The following GRID2 variants were observed in gnomAD, a reference collection of about 807,000 sequenced individuals.
GRID2 encodes glutamate ionotropic receptor delta type subunit 2.
GRID2 carries 33 observed loss-of-function variants against 114.8 expected under a neutral mutation model. That is an observed-to-expected ratio of 0.29 (90% CI 0.22 to 0.38). The LOEUF (loss-of-function observed/expected upper bound fraction) is 0.38. Among genes scored for constraint, GRID2 ranks in the 10% least tolerant of loss-of-function variants. GRID2 has a pLI of 1.00. For missense variants in GRID2, 1,184 were observed against 1,257.7 expected (o/e 0.94, Z 0.89); for synonymous variants, 505 against 449.9 (o/e 1.12, Z -1.55).
chr4:92,927,067 T>C (rs1459682305), intron 2 of GRID2, among the ~76,000 whole-genome samples: 1 of 151,898 alleles, frequency 6.6e-6, no homozygotes, highest in Admixed American at 6.6e-5. Flanking sequence ...GTATTTAAAA[T>C]AATAAAATGA....
chr4:92,421,835 G>A (rs1193938142), intron 1 of GRID2, among the ~76,000 whole-genome samples: 1 of 152,100 alleles, frequency 6.6e-6, no homozygotes, highest in Non-Finnish European at 1.5e-5. Flanking sequence ...ATAGTTAATA[G>A]CTTAACTATT....
chr4:93,440,138 C>G (rs755173523), intron 10 of GRID2, among the ~76,000 whole-genome samples: 2 of 152,008 alleles, frequency 1.3e-5, no homozygotes, highest in Non-Finnish European at 2.9e-5. Flanking sequence ...CAGCTGGGTG[C>G]CTGAAAGCCA....
At chr4:93,118,280 C>T (rs960679721) in intron 4 of GRID2, among the ~76,000 whole-genome samples, 7 of 152,106 alleles carry the variant, frequency 4.6e-5, no homozygotes, top group African/African-American at 1.4e-4. Flanking sequence ...GGCTCATATA[C>T]GTATTCAATT....
intron 1 of GRID2, among the ~76,000 whole-genome samples, chr4:92,308,296 C>T (rs1725517821): frequency 6.6e-6 from 1 of 152,150 alleles, no homozygotes; most frequent in Admixed American, 6.5e-5. Flanking sequence ...GGTTCCTGTG[C>T]TCACAGAACT....
intron 8 of GRID2, among the ~76,000 whole-genome samples, chr4:93,291,942 T>C (rs1028944890): frequency 1.3e-5 from 2 of 152,198 alleles, no homozygotes; most frequent in African/African-American, 4.8e-5. Context: ...TCTACTTTAT[T>C]GGCATTTTTC....
intron 1 of GRID2, among the ~76,000 whole-genome samples, chr4:92,448,140 T>C (rs1579382218): frequency 6.9e-6 from 1 of 144,494 alleles, no homozygotes; most frequent in Non-Finnish European, 1.5e-5. Flanking sequence ...TTTATGTATG[T>C]ATGTATGTAT....
intron 13 of GRID2, among the ~76,000 whole-genome samples, chr4:93,545,683 T>C (rs1221593366): frequency 6.6e-6 from 1 of 152,208 alleles, no homozygotes; most frequent in African/African-American, 2.4e-5. Flanking sequence ...TAAAATCAGC[T>C]ATGGTGGTCT....
At chr4:92,802,822 C>G (rs942266583) in intron 2 of GRID2, among the ~76,000 whole-genome samples, 2 of 151,846 alleles carry the variant, frequency 1.3e-5, no homozygotes, top group Admixed American at 6.6e-5. Context: ...TGTGTTATTA[C>G]CAGGCCTCTT....
intron 2 of GRID2, among the ~76,000 whole-genome samples, chr4:92,916,513 C>T (rs534256589): frequency 1.3e-5 from 2 of 152,018 alleles, no homozygotes; most frequent in African/African-American, 4.8e-5. Context: ...CTCCCCCCAG[C>T]CCCCACCCCA....
chr4:93,673,544 A>G (rs116951585), intron 14 of GRID2, among the ~76,000 whole-genome samples: 1 of 152,120 alleles, frequency 6.6e-6, no homozygotes, highest in Non-Finnish European at 1.5e-5. Context: ...AACATCTTAC[A>G]ATCACTTTTT....
chr4:93,448,838 T>G (rs1580115367), intron 10 of GRID2, among the ~76,000 whole-genome samples: 1 of 11,812 alleles, frequency 8.5e-5, no homozygotes, highest in African/African-American at 4.2e-4. Flanking sequence ...TCCCTTCCCT[T>G]CCCTTCCCTT....
intron 2 of GRID2, among the ~76,000 whole-genome samples, chr4:92,974,329 A>G (rs1250375035): frequency 1.3e-5 from 2 of 152,140 alleles, no homozygotes; most frequent in East Asian, 3.9e-4. Context: ...CAGCAATCCC[A>G]TTACTAGGCA....
At chr4:93,486,833 T>C (rs1726458529) in intron 11 of GRID2, among the ~76,000 whole-genome samples, 1 of 151,804 alleles carries the variant, frequency 6.6e-6, no homozygotes, top group African/African-American at 2.4e-5. Context: ...ATCAAAGTTG[T>C]GCTTTCTTTA....
At chr4:93,326,786 A>G (rs1193071107) in intron 8 of GRID2, among the ~76,000 whole-genome samples, 2 of 152,272 alleles carry the variant, frequency 1.3e-5, no homozygotes, top group South Asian at 2.1e-4. Flanking sequence ...TTTATCATTC[A>G]GTTACCCTTA....
intron 1 of GRID2, among the ~76,000 whole-genome samples, chr4:92,421,527 GC>G (rs1468281977): frequency 1.3e-5 from 2 of 152,138 alleles, no homozygotes; most frequent in Non-Finnish European, 2.9e-5. Context: ...TCAGTTAGAA[GC>G]TTTTGACCCT....
Position 93,547,724 on chromosome 4 carries a change from G to C in GRID2, c.2193+32313G>C, listed in dbSNP as rs1175461369. Among the ~76,000 whole-genome samples, 4 of 152,246 alleles carry C rather than the reference G, an allele frequency of 2.6e-5. No individual in the cohort carries two copies. The East Asian group carries it at 7.7e-4, about 29-fold the overall frequency. On this transcript the variant is annotated intron_variant, in intron 13 of 15. Coordinates refer to ENST00000282020, the MANE Select transcript of GRID2 (RefSeq NM_001510.4). ...CTTACATCCAGAAAGTGGTAGATCT[G>C]AGATTCAAACCCATGCAGTTTGACC...
intron 2 of GRID2, among the ~76,000 whole-genome samples, chr4:92,674,044 CTG>C (rs1269811863): frequency 1.3e-5 from 2 of 152,020 alleles, no homozygotes; most frequent in African/African-American, 2.4e-5. Flanking sequence ...ATATAATACA[CTG>C]TTTATTACAA....
At chr4:92,622,901 G>A (rs1730340556) in intron 2 of GRID2, among the ~76,000 whole-genome samples, 1 of 151,664 alleles carries the variant, frequency 6.6e-6, no homozygotes, top group Admixed American at 6.6e-5. Flanking sequence ...ATTAAGTCAT[G>A]GCATTTGTTT....
At chr4:93,564,297 T>TTTTATTTATTTA (rs549091021) in intron 13 of GRID2, among the ~76,000 whole-genome samples, 34 of 151,844 alleles carry the variant, frequency 2.2e-4, no homozygotes, top group African/African-American at 7.7e-4. Context: ...ATGGATGTCC[T>TTTTATTTATTTA]TTTATTTATT....
Sources: gnomAD v4.1 joint callset for allele counts (sites outside exome capture counted in the v4.1 genomes callset) on GRCh38, gnomAD v4.1.1 for gene constraint, MANE v1.5 for transcripts, NCBI Gene and HGNC (gene_info 2026-07-23, HGNC 2026-07-21) for gene names.